The following MGAT5 variants were observed in gnomAD, a reference collection of about 807,000 sequenced individuals.
The protein encoded by MGAT5 is alpha-1,6-mannosylglycoprotein 6-beta-N-acetylglucosaminyltransferase, also known as alpha-1,6-mannosylglycoprotein 6-beta-N-acetylglucosaminyltransferase A.
Under a neutral mutation model 94.3 loss-of-function variants are expected in MGAT5, and 30 were observed. That is an observed-to-expected ratio of 0.32 (90% CI 0.24 to 0.43). The LOEUF is 0.43. Among genes scored for constraint, MGAT5 ranks in the 20% least tolerant of loss-of-function variants. MGAT5 has a pLI of 1.00. For missense variants in MGAT5, 691 were observed against 905.5 expected (o/e 0.76, Z 3.04); for synonymous variants, 310 against 322.9 (o/e 0.96, Z 0.43).
chr2:134,171,334 A>G (rs892195598), intron 1 of MGAT5, among the ~76,000 whole-genome samples: 4 of 152,082 alleles, frequency 2.6e-5, no homozygotes, highest in East Asian at 1.9e-4. Context: ...TTGTGCATAT[A>G]TATTTGGGAC....
intron 1 of MGAT5, among the ~76,000 whole-genome samples, chr2:134,229,521 T>C (rs1681242083): frequency 6.6e-6 from 1 of 152,250 alleles, no homozygotes; most frequent in Non-Finnish European, 1.5e-5. Context: ...GTCATAGTTT[T>C]ATGTTTTAAA....
intron 6 of MGAT5, among the ~76,000 whole-genome samples, chr2:134,340,635 A>C (rs1280257602): frequency 6.6e-6 from 1 of 152,168 alleles, no homozygotes; most frequent in Non-Finnish European, 1.5e-5. Context: ...CTTCTTTACA[A>C]ACCTTAGAGT....
chr2:134,414,268 A>C (rs1448329387), intron 12 of MGAT5, among the ~76,000 whole-genome samples: 2 of 152,064 alleles, frequency 1.3e-5, no homozygotes, highest in African/African-American at 4.8e-5. Flanking sequence ...GCAATACTTA[A>C]TGTACATCTG....
At chr2:134,376,961 A>G (rs965858491) in intron 10 of MGAT5, among the ~76,000 whole-genome samples, 1 of 152,098 alleles carries the variant, frequency 6.6e-6, no homozygotes, top group African/African-American at 2.4e-5. Flanking sequence ...CCTTTCACCT[A>G]CCTAAACCAT....
At chr2:134,285,331 G>A (rs1056929741) in intron 2 of MGAT5, among the ~76,000 whole-genome samples, 9 of 151,946 alleles carry the variant, frequency 5.9e-5, no homozygotes, top group African/African-American at 2.2e-4. Flanking sequence ...ATTTTTAAGG[G>A]AGCATTCTCT....
rs945629120 is a variant in MGAT5 at position 134,257,840 on chromosome 2, T to C, written c.241+3196T>C. ...TAGGCCATTAGTTTGCAGTCTCTTT[T>C]TTTTTTTTTTTTTTTGCCATAAATG... On this transcript the variant is annotated intron_variant, in intron 1 of 15. Coordinates refer to ENST00000281923, the MANE Select transcript of MGAT5 (RefSeq NM_002410.5). Among the ~76,000 whole-genome samples the C allele has an allele frequency of 8.1e-5, 12 of 148,538 alleles. 1 individual carries two copies. The highest frequency in any genetic ancestry group is 4.0e-4 in the East Asian group (2 of 5,058).
At chr2:134,230,844 A>G (rs1338556551) in intron 1 of MGAT5, among the ~76,000 whole-genome samples, 4 of 152,076 alleles carry the variant, frequency 2.6e-5, no homozygotes, top group Admixed American at 2.0e-4. Context: ...ACACACACAC[A>G]CACCCATCAA....
chr2:134,428,766 A>G (rs1684726411), intron 14 of MGAT5, among the ~76,000 whole-genome samples: 1 of 152,254 alleles, frequency 6.6e-6, no homozygotes, highest in African/African-American at 2.4e-5. Flanking sequence ...AAGAAAGGCA[A>G]GAATTGAAAC....
At chr2:134,347,477 A>G (rs1488161832) in intron 8 of MGAT5, among the ~76,000 whole-genome samples, 2 of 152,202 alleles carry the variant, frequency 1.3e-5, no homozygotes, top group Non-Finnish European at 2.9e-5. Context: ...TAACAATAAT[A>G]AAACTTCAAA....
chr2:134,424,866 G>T (rs1480649759), intron 13 of MGAT5, among the ~76,000 whole-genome samples: 1 of 152,148 alleles, frequency 6.6e-6, no homozygotes, highest in Non-Finnish European at 1.5e-5. Flanking sequence ...TTATCCTATG[G>T]CTTCTCTCTG....
chr2:134,323,977 G>T (rs1687491162), intron 4 of MGAT5, among the ~76,000 whole-genome samples: 1 of 152,004 alleles, frequency 6.6e-6, no homozygotes, highest in African/African-American at 2.4e-5. Context: ...CATTGTTTCA[G>T]GTATATTAAC....
chr2:134,381,049 C>T lies in MGAT5; in HGVS notation c.1380+18641C>T, dbSNP rs115004487. Among the ~76,000 whole-genome samples, 594 of 152,138 alleles carry T rather than the reference C, an allele frequency of 3.9e-3. 3 individuals are homozygous for T. Among genetic ancestry groups the T allele is most frequent in the African/African-American group, 0.014 (577 of 41,486 alleles). ...TAAAATCCACCTACCTCCCCCCATC[C>T]CAAATTCCGATGAAGTCCTTGCATA... On this transcript the variant is annotated intron_variant, in intron 10 of 15. Transcript: ENST00000281923.
At chr2:134,263,187 T>C (rs1683451018) in intron 1 of MGAT5, among the ~76,000 whole-genome samples, 1 of 152,194 alleles carries the variant, frequency 6.6e-6, no homozygotes, top group African/African-American at 2.4e-5. Flanking sequence ...CTCTGATTCC[T>C]TATCTTTTCT....
At chr2:134,327,323 ATACTATACTTT>A (rs2105936636) in intron 4 of MGAT5, among the ~76,000 whole-genome samples, 1 of 152,178 alleles carries the variant, frequency 6.6e-6, no homozygotes, top group South Asian at 2.1e-4. Context: ...AACCCTCCAT[ATACTATACTTT>A]TTTCTTCTTC....
chr2:134,332,805 A>G (rs907412867), intron 4 of MGAT5, among the ~76,000 whole-genome samples: 8 of 152,254 alleles, frequency 5.3e-5, no homozygotes, highest in Non-Finnish European at 1.0e-4. Context: ...AAAAGAAGAC[A>G]TTTATGCAGC....
intron 1 of MGAT5, among the ~76,000 whole-genome samples, chr2:134,162,620 C>A (rs1687787747): frequency 6.6e-6 from 1 of 152,196 alleles, no homozygotes; most frequent in Admixed American, 6.5e-5. Context: ...AGGATCTGAA[C>A]AGAGTTGGGA....
At chr2:134,245,543 TC>T (rs1399753493) in intron 1 of MGAT5, among the ~76,000 whole-genome samples, 1 of 152,226 alleles carries the variant, frequency 6.6e-6, no homozygotes, top group Non-Finnish European at 1.5e-5. Flanking sequence ...GTTGGTTTTC[TC>T]TTACCCCACC....
At chr2:134,155,166 C>T (rs1232999346) in intron 1 of MGAT5, among the ~76,000 whole-genome samples, 1 of 152,240 alleles carries the variant, frequency 6.6e-6, no homozygotes, top group Non-Finnish European at 1.5e-5. Flanking sequence ...AGAGTGCTCT[C>T]TTTCCCCACC....
chr2:134,286,970 T>C (rs1019226333), intron 2 of MGAT5, among the ~76,000 whole-genome samples: 1 of 152,232 alleles, frequency 6.6e-6, no homozygotes, highest in Admixed American at 6.5e-5. Flanking sequence ...CTGTGCCTGG[T>C]GTGGACCACA....
Sources: allele counts gnomAD v4.1 joint callset (sites outside exome capture counted in the v4.1 genomes callset), GRCh38; gene constraint gnomAD v4.1.1; transcripts MANE v1.5; gene names NCBI Gene and HGNC (gene_info 2026-07-23, HGNC 2026-07-21).